The following ZNF257 variants were observed in gnomAD, a reference collection of about 807,000 sequenced individuals.
ZNF257 encodes zinc finger protein 257, also known as bone marrow zinc finger 4.
ZNF257 carries 12 observed loss-of-function variants against 11.9 expected under a neutral mutation model. The ratio of observed to expected loss-of-function variants is 1.01; its 90% CI spans 0.65 to 1.63. ZNF257 has a LOEUF of 1.63. Among genes scored for constraint, ZNF257 ranks in the 40% most tolerant of loss-of-function variants. The pLI, the probability that ZNF257 is intolerant of heterozygous loss-of-function variation, is 0.00. For missense variants in ZNF257, 580 were observed against 665.5 expected, an observed-to-expected ratio of 0.87 and a Z score of 1.41; for synonymous variants, 183 against 222.7, an observed-to-expected ratio of 0.82 and a Z score of 1.59.
At chr19:22,073,080 C>A in intron 2 of ZNF257, 145 bp downstream of exon 2, 1 of 1,044,184 alleles carries the variant, frequency 9.6e-7, no homozygotes, top group Non-Finnish European at 1.3e-6. Context: ...TCCCTGTTTT[C>A]AAGAAAATCA....
At chr19:22,063,355 C>A (rs968632853) in intron 1 of ZNF257, among the ~76,000 whole-genome samples, 1 of 152,006 alleles carries the variant, frequency 6.6e-6, no homozygotes, top group Admixed American at 6.6e-5. Context: ...TCTAAGTCTC[C>A]TTCAGTTCAG....
Position 22,076,685 on chromosome 19 carries a change from A to G in ZNF257, c.226+3121A>G, listed in dbSNP as rs887811508. Reference sequence around the variant, plus strand: ...GTTCCATATTAGTGTGTTTTTTTCAATGTAGGTTTCTTTTGTTTTTTGAGA... The same window carrying G: ...GTTCCATATTAGTGTGTTTTTTTCAGTGTAGGTTTCTTTTGTTTTTTGAGA... On this transcript the variant is annotated intron_variant, in intron 3 of 3. Coordinates refer to ENST00000594947, the MANE Select transcript of ZNF257 (RefSeq NM_033468.4). Among the ~76,000 whole-genome samples, 4 of 152,016 alleles carry G rather than the reference A, an allele frequency of 2.6e-5. 1 individual carries two copies. The Middle Eastern group carries it at 0.01, about 393-fold the overall frequency.
chr19:22,073,007 T>C, intron 2 of ZNF257, 72 bp downstream of exon 2: 1 of 1,346,296 alleles, frequency 7.4e-7, no homozygotes, highest in Non-Finnish European at 9.9e-7. Flanking sequence ...TTTTTTTTTG[T>C]AGAATGTTTT....
At chr19:22,072,280 A>G (rs1203044249) in intron 1 of ZNF257, among the ~76,000 whole-genome samples, 4 of 152,230 alleles carry the variant, frequency 2.6e-5, no homozygotes, top group South Asian at 4.1e-4. Context: ...TGCATAAACC[A>G]TCACATTTTA....
At position 22,052,562 on chromosome 19, in the gene ZNF257, C is replaced by T; in HGVS notation, c.-71C>T. The T allele has an allele frequency of 3.2e-6, 5 of 1,566,794 alleles. No individual in the cohort carries two copies. Among genetic ancestry groups the T allele is most frequent in the Non-Finnish European group, 3.5e-6 (4 of 1,143,760 alleles). ...TCCTCTTCTCCTAGGGGCCCAGCCT[C>T]TGTGGCCCTGTGACCTGCAGGTATT... On this transcript the variant is annotated 5_prime_UTR_variant, in exon 1 of 4. Coordinates refer to ENST00000594947, the MANE Select transcript of ZNF257 (RefSeq NM_033468.4).
Position 22,070,590 on chromosome 19 carries a change from G to A in ZNF257, c.4-2219G>A, listed in dbSNP as rs531614672. 7.9e-5 allele frequency among the ~76,000 whole-genome samples: 12 copies of A among 152,168 alleles called. No individual in the cohort carries two copies. The East Asian group carries it at 2.1e-3, about 27-fold the overall frequency. ...ACTTATTCAGACATGGCTGTTTTCT[G>A]TTTCCTCTGTATACTCTACAGAGCC... On this transcript the variant is annotated intron_variant, in intron 1 of 3. Transcript: ENST00000594947.
intron 3 of ZNF257, among the ~76,000 whole-genome samples, chr19:22,079,259 G>A (rs955563503): frequency 6.6e-6 from 1 of 152,064 alleles, no homozygotes; most frequent in Non-Finnish European, 1.5e-5. Context: ...GTACCACATC[G>A]TTTTTATTTT....
intron 3 of ZNF257, among the ~76,000 whole-genome samples, chr19:22,083,315 C>G (rs2022400978): frequency 6.6e-6 from 1 of 151,756 alleles, no homozygotes; most frequent in South Asian, 2.1e-4. Flanking sequence ...ACTGAAAATA[C>G]AAAAAAATTA....
At chr19:22,072,774 A>G in intron 1 of ZNF257, 35 bp from the exon 2 acceptor site, 1 of 1,592,956 alleles carries the variant, frequency 6.3e-7, no homozygotes, top group Non-Finnish European at 8.5e-7. Context: ...ACCACTTGGT[A>G]AATATATGTG....
At chr19:22,075,210 A>G (rs996298430) in intron 3 of ZNF257, among the ~76,000 whole-genome samples, 4 of 152,192 alleles carry the variant, frequency 2.6e-5, no homozygotes, top group Admixed American at 1.3e-4. Flanking sequence ...TTTTGGACAG[A>G]TTGGATATCC....
chr19:22,080,980 CA>C (rs1275179472), intron 3 of ZNF257, among the ~76,000 whole-genome samples: 2 of 151,104 alleles, frequency 1.3e-5, no homozygotes, highest in Admixed American at 6.6e-5. Flanking sequence ...CAGGTTCAAA[CA>C]ATTCTTCCAC....
chr19:22,068,666 C>T (rs1432628407), intron 1 of ZNF257, among the ~76,000 whole-genome samples: 1 of 152,114 alleles, frequency 6.6e-6, no homozygotes, highest in African/African-American at 2.4e-5. Flanking sequence ...ATAGCAACAT[C>T]TTAGGAGTGA....
At position 22,084,822 on chromosome 19, in the gene ZNF257, C is replaced by T. The variant is rs889681374; in HGVS notation, c.227-3155C>T. On this transcript the variant is annotated intron_variant, in intron 3 of 3. Transcript: ENST00000594947. ...TCTCGGCTAACTAACTCCTGCCTCC[C>T]GGGTTCAAGTGATTCTCGTGCTTTA... Among the ~76,000 whole-genome samples the T allele has an allele frequency of 1.3e-4, 19 of 151,486 alleles. 1 individual carries two copies. Among genetic ancestry groups the T allele is most frequent in the Admixed American group, 3.3e-4 (5 of 15,216 alleles).
intron 1 of ZNF257, among the ~76,000 whole-genome samples, chr19:22,056,039 A>AGG (rs2021625539): frequency 8.4e-6 from 1 of 119,446 alleles, no homozygotes. Flanking sequence ...TGGGCGACAG[A>AGG]GCGAGACTCC....
rs749588385 is a variant in ZNF257, at chr19:22,088,643, C to T, written c.893C>T (p.Ser298Leu). Reference protein sequence around the residue: ...DECCKAFKWSSALTTLTQHKR... With the variant: ...DECCKAFKWSLALTTLTQHKR... ...TGTTGCAAAGCCTTTAAGTGGTCCT[C>T]AGCTCTTACTACCCTTACTCAACAT... The change falls in exon 4 of 4, where the codon TCA (serine) becomes TTA (leucine). Residue 298 changes from serine to leucine, a missense_variant. Ser to Leu is a moderately radical substitution (Grantham distance 145). Transcript: ENST00000594947. 3 of 1,612,336 alleles carry T rather than the reference C, an allele frequency of 1.9e-6. No individual in the cohort carries two copies. Among genetic ancestry groups the T allele is most frequent in the Non-Finnish European group, 1.7e-6 (2 of 1,179,732 alleles).
chr19:22,074,103 G>A (rs1039693517), intron 3 of ZNF257, among the ~76,000 whole-genome samples: 8 of 151,628 alleles, frequency 5.3e-5, no homozygotes, highest in African/African-American at 1.9e-4. Flanking sequence ...GCTATTCAAA[G>A]CTTATTGTAG....
chr19:22,064,726 G>A (rs1219508271), intron 1 of ZNF257, among the ~76,000 whole-genome samples: 1 of 152,158 alleles, frequency 6.6e-6, no homozygotes, highest in Non-Finnish European at 1.5e-5. Context: ...ATAGTTATGT[G>A]TAGTGTTTGT....
At position 22,089,208 on chromosome 19, in the gene ZNF257, C is replaced by G. The variant is rs925200079; in HGVS notation, c.1458C>G (p.Pro486=). The G allele has an allele frequency of 6.2e-7, 1 of 1,613,748 alleles. No individual in the cohort carries two copies. Among genetic ancestry groups the G allele is most frequent in the Non-Finnish European group, 8.5e-7 (1 of 1,179,864 alleles). ...AAATAATTCATACTGGGGAGAAGCC[C>G]TACAAATGTGAAGAATGTGGCAAAG... ...QHKIIHTGEK[P]YKCEECGKAF... Residue 486 remains proline, a synonymous_variant, in exon 4 of 4, where the codon CCC becomes CCG. Transcript: ENST00000594947.
chr19:22,053,388 A>T, intron 1 of ZNF257, among the ~76,000 whole-genome samples: 1 of 142,362 alleles, frequency 7.0e-6, no homozygotes. Flanking sequence ...AAAAAAAAAA[A>T]AAAAAATTGT....
Sources: allele counts gnomAD v4.1 joint callset (sites outside exome capture counted in the v4.1 genomes callset), GRCh38; gene constraint gnomAD v4.1.1; transcripts MANE v1.5; gene names NCBI Gene and HGNC (gene_info 2026-07-23, HGNC 2026-07-21).